The following ATAD5 variants were observed in gnomAD, a reference collection of about 807,000 sequenced individuals.
The protein encoded by ATAD5 is ATPase family AAA domain containing 5, also known as ATPase family AAA domain-containing protein 5.
A neutral mutation model predicts 176.9 loss-of-function variants in ATAD5; 58 were observed. The observed-to-expected ratio is 0.33, with a 90% CI of 0.27 to 0.41. The LOEUF is 0.41. ATAD5 is among the 10% of genes least tolerant of loss of function. The pLI is 1.00. For missense variants in ATAD5, 1,789 were observed against 2,094.1 expected (o/e 0.85, Z 2.84); for synonymous variants, 640 against 712.6 (o/e 0.90, Z 1.62).
At chr17:30,881,688 G>A (rs1315706573) in intron 18 of ATAD5, among the ~76,000 whole-genome samples, 3 of 152,096 alleles carry the variant, frequency 2.0e-5, no homozygotes, top group Non-Finnish European at 2.9e-5. Flanking sequence ...AGAGGCAGGC[G>A]GATCACTTGA....
At chr17:30,847,806 G>A (rs569007693) in intron 6 of ATAD5, among the ~76,000 whole-genome samples, 3 of 140,184 alleles carry the variant, frequency 2.1e-5, no homozygotes, top group South Asian at 2.3e-4. Context: ...TGTAACCTCC[G>A]CCCCCCGGGT....
chr17:30,869,930 C>T lies in ATAD5; in HGVS notation c.3607+284C>T, dbSNP rs755399520. On this transcript the variant is annotated intron_variant, in intron 14 of 22. Transcript: ENST00000321990. ...TTAACAACCAGCCTAAGCAGCATAGCGAGACCTTGTCTCTACAAATAATAA... is the reference window on the plus strand; with the variant it reads ...TTAACAACCAGCCTAAGCAGCATAGTGAGACCTTGTCTCTACAAATAATAA... 3.2e-5 allele frequency: 9 copies of T among 281,922 alleles called. No homozygotes were observed. The East Asian group carries it at 3.8e-4, about 12-fold the overall frequency. The allele number at this position is 281,922 out of a possible 1,614,324, so 17.5% of individuals were successfully genotyped here. A position where few individuals can be genotyped will look rare whatever the true frequency, so the allele number is the denominator to read the frequency against.
chr17:30,893,983 A>C lies in ATAD5; in HGVS notation c.5130A>C (p.Ala1710=). The change falls in exon 21 of 23, where the codon GCA becomes GCC. Residue 1710 remains alanine, a synonymous_variant. Transcript: ENST00000321990. ...WTSQSSGELK[A]AAEALSFTKC... is the part of the protein sequence containing the mutation. ...CTCAAAGCTCTGGAGAATTAAAGGC[A>C]GCTGCAGAAGCTCTCAGCTTTACTA... is the stretch of plus-strand genomic sequence containing the variant. The C allele has an allele frequency of 6.2e-7, 1 of 1,614,056 alleles. No homozygotes were observed. The highest frequency in any genetic ancestry group is 8.5e-7 in the Non-Finnish European group (1 of 1,179,950).
Position 30,876,702 on chromosome 17 carries a change from C to CTT in ATAD5, c.3784+179_3784+180dup, listed in dbSNP as rs202065630. The CTT allele has an allele frequency of 1.9e-3, 249 of 127,742 alleles. 5 individuals are homozygous for CTT. Among genetic ancestry groups the CTT allele is most frequent in the South Asian group, 3.2e-3 (25 of 7,788 alleles). The allele number at this position is 127,742 out of a possible 1,614,324, so 7.9% of individuals were successfully genotyped here. ...TGTAGAAGTGTTAATATTTTGTTTC[C>CTT]TTTTTTTTTTTTTTTTTTTTTTTTT... On this transcript the variant is annotated intron_variant, in intron 15 of 22. Coordinates refer to ENST00000321990, the MANE Select transcript of ATAD5 (RefSeq NM_024857.5).
At chr17:30,840,534 T>G in intron 3 of ATAD5, 83 bp from the exon 4 acceptor site, 1 of 990,148 alleles carries the variant, frequency 1.0e-6, no homozygotes, top group Non-Finnish European at 1.4e-6. Context: ...TTATTTAATG[T>G]GATTTGTGAT....
At chr17:30,885,867 C>T (rs1411266366) in intron 18 of ATAD5, among the ~76,000 whole-genome samples, 1 of 151,620 alleles carries the variant, frequency 6.6e-6, no homozygotes, top group South Asian at 2.1e-4. Flanking sequence ...ACTCCCGCCT[C>T]GCCCTCTCAA....
intron 4 of ATAD5, among the ~76,000 whole-genome samples, chr17:30,842,599 A>G (rs1906195644): frequency 2.0e-5 from 3 of 152,240 alleles, no homozygotes; most frequent in Admixed American, 2.0e-4. Context: ...GGAAAATCAC[A>G]GACTTCATTA....
rs756535617 is a variant in ATAD5 at position 30,834,441 on chromosome 17, T to G, written c.360T>G (p.Ser120=). The G allele has an allele frequency of 3.1e-6, 5 of 1,594,276 alleles. No homozygotes were observed. The highest frequency in any genetic ancestry group is 8.5e-7 in the Non-Finnish European group (1 of 1,171,822). ...FKKKRKRVNL[S]HQLNNIKTEN... ...AGAAAAGAAAGAGGGTTAATTTATC[T>G]CATCAACTAAATAATATTAAAACTG... is the stretch of plus-strand genomic sequence containing the variant. Residue 120 remains serine, a synonymous_variant, in exon 2 of 23, where the codon TCT becomes TCG. Transcript: ENST00000321990.
At chr17:30,843,087 C>T (rs1396510399) in intron 4 of ATAD5, among the ~76,000 whole-genome samples, 1 of 151,762 alleles carries the variant, frequency 6.6e-6, no homozygotes, top group Non-Finnish European at 1.5e-5. Flanking sequence ...CCTGGTGGCT[C>T]ACGCCTGTAA....
At chr17:30,860,163 A>G (rs1907539434) in intron 9 of ATAD5, among the ~76,000 whole-genome samples, 1 of 152,094 alleles carries the variant, frequency 6.6e-6, no homozygotes, top group East Asian at 1.9e-4. Context: ...AGCTGGGACT[A>G]CAGGTGCATG....
chr17:30,839,010 G>A (rs1220809892), intron 3 of ATAD5, among the ~76,000 whole-genome samples: 1 of 152,016 alleles, frequency 6.6e-6, no homozygotes, highest in Non-Finnish European at 1.5e-5. Flanking sequence ...TATTTTTGTA[G>A]AGACAGGGTC....
At chr17:30,836,550 T>C (rs1905758717) in intron 2 of ATAD5, among the ~76,000 whole-genome samples, 1 of 151,982 alleles carries the variant, frequency 6.6e-6, no homozygotes, top group South Asian at 2.1e-4. Context: ...TTTTTAATTT[T>C]AATTTTTAAT....
chr17:30,891,962 C>T (rs1909661598), intron 19 of ATAD5, among the ~76,000 whole-genome samples: 1 of 151,892 alleles, frequency 6.6e-6, no homozygotes, highest in African/African-American at 2.4e-5. Context: ...CTGCCTCAGC[C>T]TCCCAAAGTG....
At chr17:30,865,408 G>A (rs892404850) in intron 10 of ATAD5, among the ~76,000 whole-genome samples, 4 of 151,982 alleles carry the variant, frequency 2.6e-5, no homozygotes, top group East Asian at 3.9e-4. Context: ...TCCTGACCTC[G>A]TGATCCGCCC....
At position 30,895,147 on chromosome 17, in the gene ATAD5, A is replaced by AT; in HGVS notation, c.*240dup. 3.0e-6 allele frequency: 1 copy of AT among 330,806 alleles called. No individual in the cohort carries two copies. Among genetic ancestry groups the AT allele is most frequent in the South Asian group, 6.8e-5 (1 of 14,600 alleles). The allele number at this position is 330,806 out of a possible 1,614,324, so 20.5% of individuals were successfully genotyped here. A position where few individuals can be genotyped will look rare whatever the true frequency, so the allele number is the denominator to read the frequency against. On this transcript the variant is annotated 3_prime_UTR_variant, in exon 23 of 23. Coordinates refer to ENST00000321990, the MANE Select transcript of ATAD5 (RefSeq NM_024857.5). ...TTATCTGATTTAGCTTTGTTGGAGT[A>AT]TTTTTTGTATGTGAGTGAACTGTTT...
chr17:30,846,074 A>G (rs1412204822), intron 6 of ATAD5, among the ~76,000 whole-genome samples: 1 of 152,220 alleles, frequency 6.6e-6, no homozygotes, highest in African/African-American at 2.4e-5. Context: ...AGTGCATCTT[A>G]TCAAGAAATA....
intron 18 of ATAD5, among the ~76,000 whole-genome samples, chr17:30,883,198 C>T (rs1909126028): frequency 6.7e-6 from 1 of 149,912 alleles, no homozygotes; most frequent in Non-Finnish European, 1.5e-5. Context: ...AGTCTCAGCT[C>T]ACTGCAACCT....
intron 14 of ATAD5, among the ~76,000 whole-genome samples, chr17:30,872,529 CTTTTTCTTTTTT>C (rs1217567924): frequency 3.5e-5 from 5 of 143,218 alleles, no homozygotes; most frequent in Non-Finnish European, 7.6e-5. Context: ...CCTCAGGTTT[CTTTTTCTTTTTT>C]TTTTTCTTTT....
chr17:30,843,817 A>G (rs1401482315), intron 4 of ATAD5, 96 bp from the exon 5 acceptor site: 2 of 708,794 alleles, frequency 2.8e-6, no homozygotes, highest in Non-Finnish European at 2.1e-6. Context: ...GCTGCTAATT[A>G]TGTTTTCTGT....
Sources: gnomAD v4.1 joint callset for allele counts (sites outside exome capture counted in the v4.1 genomes callset) on GRCh38, gnomAD v4.1.1 for gene constraint, MANE v1.5 for transcripts, NCBI Gene and HGNC (gene_info 2026-07-23, HGNC 2026-07-21) for gene names.